The following FLRT3 variants were observed in gnomAD, a reference collection of about 807,000 sequenced individuals.
The protein encoded by FLRT3 is fibronectin leucine rich transmembrane protein 3, also known as leucine-rich repeat transmembrane protein FLRT3.
FLRT3 carries 17 observed loss-of-function variants against 42.6 expected under a neutral mutation model. That is an observed-to-expected ratio of 0.40 (90% CI 0.27 to 0.60). The LOEUF (loss-of-function observed/expected upper bound fraction) is 0.60, where lower values mean the gene tolerates loss of function less well. Ranked by LOEUF, FLRT3 falls within the 20% of genes least tolerant of loss-of-function variation. The pLI, the probability that FLRT3 is intolerant of heterozygous loss-of-function variation, is 0.44. For synonymous variants in FLRT3, 279 were observed against 286.4 expected (o/e 0.97, Z 0.26); for missense variants, 635 against 789.2 (o/e 0.80, Z 2.34).
rs2082719855 is a variant in FLRT3 at position 14,325,594 on chromosome 20, T to G, written c.1913A>C (p.Asp638Ala). 6.2e-7 allele frequency: 1 copy of G among 1,613,050 alleles called. No individual in the cohort carries two copies. Among genetic ancestry groups the G allele is most frequent in the African/African-American group, 1.3e-5 (1 of 74,860 alleles). ...SESSSNRSYR[D>A]SGIPDSDHSH... ...GTGATCTGAGTCTGGAATACCACTGTCTCTGTAGCTTCGGTTACTACTGCT... is the reference window on the plus strand; with the variant it reads ...GTGATCTGAGTCTGGAATACCACTGGCTCTGTAGCTTCGGTTACTACTGCT... The change falls in exon 3 of 3, where the codon GAC becomes GCC. Residue 638 changes from aspartate to alanine, a missense_variant. Asp to Ala is a moderately radical substitution (Grantham distance 126). Transcript: ENST00000341420.
chr20:14,335,233 G>T (rs947292770), intron 1 of FLRT3, among the ~76,000 whole-genome samples: 5 of 152,192 alleles, frequency 3.3e-5, no homozygotes, highest in Non-Finnish European at 5.9e-5. Context: ...TAGAGAGACT[G>T]AGTGTTCATT....
rs1203659075 is a variant in FLRT3, at chr20:14,322,993, T to A, written c.*2564A>T. 1 of 152,154 alleles carries A rather than the reference T, an allele frequency of 6.6e-6. No homozygotes were observed. Among genetic ancestry groups the A allele is most frequent in the Non-Finnish European group, 1.5e-5 (1 of 68,020 alleles). The allele number at this position is 152,154 out of a possible 1,614,324, so 9.4% of individuals were successfully genotyped here. On this transcript the variant is annotated 3_prime_UTR_variant, in exon 3 of 3. Coordinates refer to ENST00000341420, the MANE Select transcript of FLRT3 (RefSeq NM_198391.3). ...GTGTGGAAAACACAAACTCAAAGTG[T>A]GTATGTGTGTTTAATTCTCTCATTC...
At chr20:14,329,656 G>T (rs2122598018) in intron 1 of FLRT3, among the ~76,000 whole-genome samples, 1 of 152,108 alleles carries the variant, frequency 6.6e-6, no homozygotes, top group Non-Finnish European at 1.5e-5. Context: ...TGTTTAAAAA[G>T]AAGAAAACAA....
rs201011289 is a variant in FLRT3 at position 14,333,659 on chromosome 20, G to T, written c.-247+3745C>A. Among the ~76,000 whole-genome samples the T allele has an allele frequency of 2.0e-5, 3 of 152,152 alleles. No homozygotes were observed. In the East Asian group the frequency reaches 5.8e-4, roughly 29 times the overall value. On this transcript the variant is annotated intron_variant, in intron 1 of 2. Transcript: ENST00000341420. ...AGTGTGGGTACAACTTGGTTGATGT[G>T]CTTTAAATTTCTAATATTTAAGTTT...
chr20:14,326,387 CTG>C lies in FLRT3; in HGVS notation c.1118_1119del (p.Thr373SerfsTer19). ...GGCCACTGTCCTTGGGCAGGATACACTGTGTTGGGTATTGCAGTGGTTATCTG... is the reference window on the plus strand; with the variant it reads ...GGCCACTGTCCTTGGGCAGGATACACTGTTGGGTATTGCAGTGGTTATCTG... ...TIQITTAIPN[T>X]VYPAQGQWPA... is the part of the protein sequence containing the mutation. On this transcript the variant is annotated frameshift_variant, in exon 3 of 3. Coordinates refer to ENST00000341420, the MANE Select transcript of FLRT3 (RefSeq NM_198391.3). LOFTEE classifies it high-confidence loss of function. The surrounding 1 kb of genome is among the most constrained non-coding windows in gnomAD (Gnocchi z 5.5). 2 of 1,613,886 alleles carry C rather than the reference CTG, an allele frequency of 1.2e-6. No homozygotes were observed. The highest frequency in any genetic ancestry group is 1.7e-6 in the Non-Finnish European group (2 of 1,179,874).
intron 1 of FLRT3, among the ~76,000 whole-genome samples, chr20:14,334,195 A>G (rs2082895158): frequency 6.6e-6 from 1 of 152,224 alleles, no homozygotes; most frequent in Non-Finnish European, 1.5e-5. Flanking sequence ...TAGATAACTC[A>G]AAGTTCTTTC....
In FLRT3 at chr20:14,327,002, T is replaced by C; in HGVS notation, c.505A>G (p.Ile169Val). Residue 169 changes from isoleucine to valine, a missense_variant, in exon 3 of 3, where the codon ATT becomes GTT. Coordinates refer to ENST00000341420, the MANE Select transcript of FLRT3 (RefSeq NM_198391.3). Reference protein sequence around the residue: ...LFLSRNHLSTIPWGLPRTIEE... With the variant: ...LFLSRNHLSTVPWGLPRTIEE... ...ATAGTCCTGGGCAAACCCCAGGGAA[T>C]TGTGCTAAGGTGATTACGGGACAGG... 4 of 1,613,706 alleles carry C rather than the reference T, an allele frequency of 2.5e-6. No homozygotes were observed. Among genetic ancestry groups the C allele is most frequent in the Non-Finnish European group, 3.4e-6 (4 of 1,179,760 alleles).
At position 14,324,959 on chromosome 20, in the gene FLRT3, C is replaced by G. The variant is rs1248741844; in HGVS notation, c.*598G>C. 1 of 152,392 alleles carries G rather than the reference C, an allele frequency of 6.6e-6. No individual in the cohort carries two copies. The highest frequency in any genetic ancestry group is 1.5e-5 in the Non-Finnish European group (1 of 67,970). The allele number at this position is 152,392 out of a possible 1,614,324, so 9.4% of individuals were successfully genotyped here. A position where few individuals can be genotyped will look rare whatever the true frequency, so the allele number is the denominator to read the frequency against. On this transcript the variant is annotated 3_prime_UTR_variant, in exon 3 of 3. Transcript: ENST00000341420. The stretch of plus-strand genomic sequence containing the variant: ...TTAAGGATAATTAATTTGCCTAGAG[C>G]AAAAATGGAGATATGCAGGAAGTTT...
In FLRT3 at chr20:14,327,393, A is replaced by T; in HGVS notation, c.114T>A (p.Asp38Glu). ...AKSCPSVCRCDAGFIYCNDRF... is the reference protein window; with the variant it reads ...AKSCPSVCRCEAGFIYCNDRF... Reference sequence around the variant, plus strand: ...GATCATTACAGTAAATGAAACCCGCATCGCAGCGACACACAGATGGACAGG... The same window carrying T: ...GATCATTACAGTAAATGAAACCCGCTTCGCAGCGACACACAGATGGACAGG... Residue 38 changes from aspartate to glutamate, a missense_variant, in exon 3 of 3, where the codon GAT (aspartate) becomes GAA (glutamate). Asp to Glu is a conservative substitution (Grantham distance 45, BLOSUM62 2). Coordinates refer to ENST00000341420, the MANE Select transcript of FLRT3 (RefSeq NM_198391.3). The T allele has an allele frequency of 6.2e-7, 1 of 1,613,726 alleles. No homozygotes were observed. Among genetic ancestry groups the T allele is most frequent in the South Asian group, 1.1e-5 (1 of 91,076 alleles).
rs773988790 is a variant in FLRT3, at chr20:14,327,548, A to G, written c.-42T>C. The G allele has an allele frequency of 2.6e-6, 4 of 1,548,684 alleles. No homozygotes were observed. In the Admixed American group the frequency reaches 8.2e-5, roughly 32 times the overall value. Reference sequence around the variant, plus strand: ...GTCTTTATACAAGGTAGCTTCCGTTACTTCAGAACCCTAAAATGAAGTGAG... The same window carrying G: ...GTCTTTATACAAGGTAGCTTCCGTTGCTTCAGAACCCTAAAATGAAGTGAG... On this transcript the variant is annotated 5_prime_UTR_variant, in exon 3 of 3. Coordinates refer to ENST00000341420, the MANE Select transcript of FLRT3 (RefSeq NM_198391.3).
At chr20:14,333,905 G>C (rs2082888184) in intron 1 of FLRT3, among the ~76,000 whole-genome samples, 1 of 152,208 alleles carries the variant, frequency 6.6e-6, no homozygotes, top group African/African-American at 2.4e-5. Flanking sequence ...AATGTGGTCT[G>C]TGGGTTTTCT....
intron 1 of FLRT3, among the ~76,000 whole-genome samples, chr20:14,332,175 C>T (rs2082854749): frequency 6.6e-6 from 1 of 151,976 alleles, no homozygotes; most frequent in African/African-American, 2.4e-5. Context: ...TATTCATATT[C>T]AGTTTATTTT....
intron 1 of FLRT3, among the ~76,000 whole-genome samples, chr20:14,330,641 T>C (rs1312308845): frequency 6.6e-6 from 1 of 152,098 alleles, no homozygotes; most frequent in Non-Finnish European, 1.5e-5. Context: ...TAATTTATTA[T>C]TTACGCAACT....
At chr20:14,333,632 A>G (rs1471763693) in intron 1 of FLRT3, among the ~76,000 whole-genome samples, 2 of 152,142 alleles carry the variant, frequency 1.3e-5, no homozygotes, top group East Asian at 1.9e-4. Flanking sequence ...TTCCTTTTTA[A>G]CAGTGTGGGT....
Position 14,327,170 on chromosome 20 carries a change from C to G in FLRT3, c.337G>C (p.Glu113Gln). 1 of 1,613,658 alleles carries G rather than the reference C, an allele frequency of 6.2e-7. No homozygotes were observed. The highest frequency in any genetic ancestry group is 8.5e-7 in the Non-Finnish European group (1 of 1,179,730). The change falls in exon 3 of 3, where the codon GAA becomes CAA. Residue 113 changes from glutamate to glutamine, a missense_variant. By Grantham distance (29) the Glu-to-Gln change is conservative. Transcript: ENST00000341420. The part of the protein sequence containing the change: ...PKYVKELHLQ[E>Q]NNIRTITYDS... ...TAAGTGATAGTCCTTATGTTATTTTCTTGCAAATGTAACTCTTTTACATAC... is the reference window on the plus strand; with the variant it reads ...TAAGTGATAGTCCTTATGTTATTTTGTTGCAAATGTAACTCTTTTACATAC...
chr20:14,337,321 A>G (rs905713116), intron 1 of FLRT3, 83 bp downstream of exon 1: 12 of 319,730 alleles, frequency 3.8e-5, no homozygotes, highest in African/African-American at 2.4e-4. Flanking sequence ...GATTTCTCAT[A>G]GTATCAAGTC....
At chr20:14,332,955 A>C (rs1410845662) in intron 1 of FLRT3, among the ~76,000 whole-genome samples, 1 of 152,102 alleles carries the variant, frequency 6.6e-6, no homozygotes, top group Non-Finnish European at 1.5e-5. Context: ...TAAACTGAAA[A>C]ACTGGAGTAC....
chr20:14,337,004 C>T (rs1222583913), intron 1 of FLRT3, among the ~76,000 whole-genome samples: 1 of 152,170 alleles, frequency 6.6e-6, no homozygotes, highest in Non-Finnish European at 1.5e-5. Context: ...TTTTCTTTCA[C>T]AGTTGTAAAA....
Position 14,327,200 on chromosome 20 carries a change from G to A in FLRT3, c.307C>T (p.Pro103Ser). The A allele has an allele frequency of 1.2e-6, 2 of 1,613,566 alleles. No individual in the cohort carries two copies. Among genetic ancestry groups the A allele is most frequent in the Non-Finnish European group, 8.5e-7 (1 of 1,179,722 alleles). Residue 103 changes from proline (P) to serine (S), a missense_variant, in exon 3 of 3, where the codon CCA becomes TCA. Physicochemically the swap from Pro to Ser is moderately conservative, Grantham distance 74. Coordinates refer to ENST00000341420, the MANE Select transcript of FLRT3 (RefSeq NM_198391.3). Reference sequence around the variant, plus strand: ...AAATGTAACTCTTTTACATACTTTGGGAGGTTGGTAGGAAATTCATCTAAA... The same window carrying A: ...AAATGTAACTCTTTTACATACTTTGAGAGGTTGGTAGGAAATTCATCTAAA... ...NSLDEFPTNLPKYVKELHLQE... is the reference protein window; with the variant it reads ...NSLDEFPTNLSKYVKELHLQE...
Sources: allele counts gnomAD v4.1 joint callset (sites outside exome capture counted in the v4.1 genomes callset), GRCh38; gene constraint gnomAD v4.1.1; non-coding constraint Gnocchi (gnomAD v3.1); transcripts MANE v1.5; gene names NCBI Gene and HGNC (gene_info 2026-07-23, HGNC 2026-07-21).